CCDC6: variants seen among roughly 807,000 people sequenced by gnomAD.
CCDC6 encodes the protein coiled-coil domain-containing protein 6.
A neutral mutation model predicts 56.6 loss-of-function variants in CCDC6; 20 were observed. That is an observed-to-expected ratio of 0.35 (90% CI 0.25 to 0.51). The LOEUF is 0.51. Ranked by LOEUF, CCDC6 falls within the 20% of genes least tolerant of loss-of-function variation. The pLI is 0.95. For synonymous variants in CCDC6, 241 were observed against 234.4 expected, an observed-to-expected ratio of 1.03 and a Z score of -0.26; for missense variants, 367 against 601.1, an observed-to-expected ratio of 0.61 and a Z score of 4.07.
chr10:59,855,494 A>T (rs2071073981), intron 1 of CCDC6, among the ~76,000 whole-genome samples: 1 of 152,196 alleles, frequency 6.6e-6, no homozygotes, highest in South Asian at 2.1e-4. Flanking sequence ...TGAACCCAGG[A>T]GGCGGAGATT....
intron 5 of CCDC6, among the ~76,000 whole-genome samples, chr10:59,807,449 ACTT>A (rs2070635615): frequency 6.6e-6 from 1 of 152,188 alleles, no homozygotes; most frequent in Non-Finnish European, 1.5e-5. Flanking sequence ...GAGCTACTGC[ACTT>A]CAGCCTGGGC....
intron 3 of CCDC6, among the ~76,000 whole-genome samples, chr10:59,828,688 C>A (rs550365396): frequency 5.0e-4 from 76 of 152,262 alleles, no homozygotes; most frequent in Non-Finnish European, 9.7e-4. Context: ...GGAGCATGAG[C>A]AAGCTGGGCC....
chr10:59,827,135 T>C (rs74657177), intron 3 of CCDC6, among the ~76,000 whole-genome samples: 3,081 of 152,226 alleles, frequency 0.02, 105 homozygotes, highest in African/African-American at 0.068. Flanking sequence ...GGAGAAAGTG[T>C]TCCAGGCAGA....
chr10:59,818,933 G>T (rs188250604), intron 3 of CCDC6, among the ~76,000 whole-genome samples: 1 of 152,152 alleles, frequency 6.6e-6, no homozygotes, highest in African/African-American at 2.4e-5. Flanking sequence ...GGGAGGAGGT[G>T]CTCCTTACAA....
chr10:59,879,180 T>C (rs1293025752), intron 1 of CCDC6, among the ~76,000 whole-genome samples: 2 of 152,094 alleles, frequency 1.3e-5, no homozygotes, highest in African/African-American at 4.8e-5. Flanking sequence ...TCAAAAGCAG[T>C]CCACACAAGG....
At chr10:59,831,896 T>C (rs1047151371) in intron 3 of CCDC6, among the ~76,000 whole-genome samples, 21 of 152,350 alleles carry the variant, frequency 1.4e-4, no homozygotes, top group African/African-American at 5.0e-4. Context: ...CTATTACTAC[T>C]TCCCACCTTT....
At chr10:59,872,133 A>G (rs1261980712) in intron 1 of CCDC6, among the ~76,000 whole-genome samples, 1 of 152,216 alleles carries the variant, frequency 6.6e-6, no homozygotes, top group Non-Finnish European at 1.5e-5. Context: ...AACTATCTCT[A>G]TGATTAAATG....
In CCDC6 at chr10:59,852,702, G is replaced by T; in HGVS notation, c.304C>A (p.Gln102Lys). The change falls in exon 2 of 9, where the codon CAA becomes AAA. Residue 102 changes from glutamine (Q) to lysine (K), a missense_variant and splice_region_variant. By Grantham distance (53) the Gln-to-Lys change is moderately conservative. Coordinates refer to ENST00000263102, the MANE Select transcript of CCDC6 (RefSeq NM_005436.5). ...TCTTCTTCCTGCTCAGCCCTGGCTT[G>T]CTGTTTAAAAAAAAAAAAGGAAAGA... ...RDLRKASVTI[Q>K]ARAEQEEEFI... 6.6e-7 allele frequency: 1 copy of T among 1,519,976 alleles called. No individual in the cohort carries two copies. The allele number at this position is 1,519,976 out of a possible 1,614,324, so 94.2% of individuals were successfully genotyped here.
intron 1 of CCDC6, among the ~76,000 whole-genome samples, chr10:59,901,288 GA>G (rs535394134): frequency 1.2e-3 from 183 of 151,990 alleles, no homozygotes; most frequent in African/African-American, 4.2e-3. Context: ...TAAACGGGGG[GA>G]AAAAAGACAT....
intron 1 of CCDC6, among the ~76,000 whole-genome samples, chr10:59,859,185 A>AT (rs1156867630): frequency 1.6e-5 from 2 of 128,588 alleles, no homozygotes; most frequent in African/African-American, 6.7e-5. Flanking sequence ...TGGAAAAAAA[A>AT]ATACATGTGT....
intron 3 of CCDC6, 40 bp downstream of exon 3, chr10:59,832,485 C>T (rs558689469): frequency 2.2e-5 from 35 of 1,575,028 alleles, no homozygotes; most frequent in Admixed American, 7.6e-5. Flanking sequence ...AAGCTGAGAA[C>T]GAGAAAATAC....
intron 2 of CCDC6, among the ~76,000 whole-genome samples, chr10:59,836,926 T>C (rs948287449): frequency 2.0e-5 from 3 of 152,222 alleles, no homozygotes; most frequent in Non-Finnish European, 2.9e-5. Context: ...TGCTCAACTA[T>C]AAATCAGTAT....
intron 1 of CCDC6, among the ~76,000 whole-genome samples, chr10:59,864,966 T>C (rs80264095): frequency 1.1e-4 from 16 of 152,218 alleles, no homozygotes; most frequent in Non-Finnish European, 1.5e-5. Flanking sequence ...GTGATTCACA[T>C]CAACGATTAA....
intron 5 of CCDC6, among the ~76,000 whole-genome samples, chr10:59,808,116 A>C (rs1249973878): frequency 6.6e-6 from 1 of 151,942 alleles, no homozygotes; most frequent in Non-Finnish European, 1.5e-5. Flanking sequence ...TATGACAAAT[A>C]CCCCTTCCTC....
intron 1 of CCDC6, among the ~76,000 whole-genome samples, chr10:59,856,088 G>C (rs898831325): frequency 1.3e-5 from 2 of 152,148 alleles, no homozygotes; most frequent in Non-Finnish European, 2.9e-5. Flanking sequence ...ACTTAACAAA[G>C]GGTTAACATG....
intron 7 of CCDC6, among the ~76,000 whole-genome samples, chr10:59,802,135 T>C (rs1178690945): frequency 6.6e-6 from 1 of 152,160 alleles, no homozygotes; most frequent in East Asian, 1.9e-4. Flanking sequence ...ATGGACAAAC[T>C]GAAAGATAAC....
chr10:59,872,795 G>A (rs1033732594), intron 1 of CCDC6, among the ~76,000 whole-genome samples: 78 of 149,776 alleles, frequency 5.2e-4, no homozygotes, highest in African/African-American at 1.8e-3. Context: ...GGTGGGGGAA[G>A]GTAACAACAT....
chr10:59,823,559 A>G (rs1199805097), intron 3 of CCDC6, among the ~76,000 whole-genome samples: 1 of 152,210 alleles, frequency 6.6e-6, no homozygotes, highest in Non-Finnish European at 1.5e-5. Flanking sequence ...TTGTCTCCCA[A>G]CCCAAAATAT....
In CCDC6 at chr10:59,835,531, T is replaced by C. The variant is rs560291842; in HGVS notation, c.454-2878A>G. Reference sequence around the variant, plus strand: ...ATTACCAGAACTCAAGTAAGGTCACTGGGTTACACTAACCCATTTGGAAAA... The same window carrying C: ...ATTACCAGAACTCAAGTAAGGTCACCGGGTTACACTAACCCATTTGGAAAA... On this transcript the variant is annotated intron_variant, in intron 2 of 8. Coordinates refer to ENST00000263102, the MANE Select transcript of CCDC6 (RefSeq NM_005436.5). Among the ~76,000 whole-genome samples, 12 of 152,344 alleles carry C rather than the reference T, an allele frequency of 7.9e-5. No individual in the cohort carries two copies. In the South Asian group the frequency reaches 1.7e-3, roughly 21 times the overall value.
Sources: allele counts gnomAD v4.1 joint callset (sites outside exome capture counted in the v4.1 genomes callset), GRCh38; gene constraint gnomAD v4.1.1; transcripts MANE v1.5; gene names NCBI Gene and HGNC (gene_info 2026-07-23, HGNC 2026-07-21).